Variants in LRRC7 observed in about 807,000 individuals in gnomAD.
The protein encoded by LRRC7 is leucine-rich repeat-containing protein 7.
LRRC7 carries 23 observed loss-of-function variants against 175.7 expected under a neutral mutation model. The ratio of observed to expected loss-of-function variants is 0.13; its 90% confidence interval spans 0.09 to 0.19. The LOEUF (loss-of-function observed/expected upper bound fraction) is 0.19, where lower values mean the gene tolerates loss of function less well. Ranked by LOEUF, LRRC7 falls within the 10% of genes least tolerant of loss-of-function variation. The pLI, the probability that LRRC7 is intolerant of heterozygous loss-of-function variation, is 1.00. For synonymous variants in LRRC7, 685 were observed against 680.9 expected (o/e 1.01, Z -0.09); for missense variants, 1,354 against 1,904.7 (o/e 0.71, Z 5.38).
Position 70,142,232 on chromosome 1 carries a change from G to A in LRRC7, c.*20345G>A, listed in dbSNP as rs1430868260. The A allele has an allele frequency of 6.6e-6, 1 of 152,086 alleles. No homozygotes were observed. Among genetic ancestry groups the A allele is most frequent in the Non-Finnish European group, 1.5e-5 (1 of 67,960 alleles). The allele number at this position is 152,086 out of a possible 1,614,324, so 9.4% of individuals were successfully genotyped here. On this transcript the variant is annotated 3_prime_UTR_variant, in exon 27 of 27. Coordinates refer to ENST00000651989, the MANE Select transcript of LRRC7 (RefSeq NM_001370785.2). Reference sequence around the variant, plus strand: ...CAGAGGACTCTTATTTGGCTTGAATGTGGAAAAGGCATCTGGTTCAGGTCA... The same window carrying A: ...CAGAGGACTCTTATTTGGCTTGAATATGGAAAAGGCATCTGGTTCAGGTCA...
chr1:69,993,312 A>G (rs1391419277), intron 10 of LRRC7, among the ~76,000 whole-genome samples: 1 of 152,140 alleles, frequency 6.6e-6, no homozygotes, highest in Non-Finnish European at 1.5e-5. Context: ...TAGTGATAAC[A>G]TTTCTCTCTA....
chr1:69,836,521 A>G (rs1372609680), intron 6 of LRRC7, among the ~76,000 whole-genome samples: 1 of 151,968 alleles, frequency 6.6e-6, no homozygotes, highest in African/African-American at 2.4e-5. Context: ...GCAAGTGAAA[A>G]ACATAATACC....
intron 1 of LRRC7, among the ~76,000 whole-genome samples, chr1:69,619,999 G>A (rs1650299056): frequency 6.6e-6 from 1 of 152,120 alleles, no homozygotes. Context: ...GAGACTTCAA[G>A]AAACAATGAA....
intron 7 of LRRC7, among the ~76,000 whole-genome samples, chr1:69,877,771 A>G (rs1686173140): frequency 6.6e-6 from 1 of 152,206 alleles, no homozygotes. Flanking sequence ...TCATGTAGAC[A>G]TCTTTTATGT....
rs1671394053 is a variant in LRRC7, at chr1:69,764,582, G to A, written c.303+4189G>A. 2.0e-5 allele frequency among the ~76,000 whole-genome samples: 3 copies of A among 151,924 alleles called. 1 individual carries two copies. The South Asian group carries it at 6.2e-4, about 31-fold the overall frequency. On this transcript the variant is annotated intron_variant, in intron 3 of 26. Coordinates refer to ENST00000651989, the MANE Select transcript of LRRC7 (RefSeq NM_001370785.2). ...TCAAGAACCAAAGCTTTTGACCCAG[G>A]CAAATCTGGAATTATATCCTAGCAT... is the stretch of plus-strand genomic sequence containing the variant.
chr1:69,934,494 C>CGGG (rs573858643), intron 8 of LRRC7, among the ~76,000 whole-genome samples: 59 of 46,270 alleles, frequency 1.3e-3, no homozygotes, highest in Middle Eastern at 0.016. Context: ...GATATTTTGG[C>CGGG]GGGGGGGGGG....
At chr1:69,883,206 T>A (rs894487358) in intron 7 of LRRC7, among the ~76,000 whole-genome samples, 3 of 151,194 alleles carry the variant, frequency 2.0e-5, no homozygotes, top group Admixed American at 6.6e-5. Flanking sequence ...TCCACAATGG[T>A]TGAACTAGTT....
At position 70,097,876 on chromosome 1, in the gene LRRC7, G is replaced by T. The variant is rs536615826; in HGVS notation, c.4545+8057G>T. ...CAGTCTATCATTGTTGGACATTTGGGTTGGTTCCAAGTCTTTGCTATTGTG... is the reference window on the plus strand; with the variant it reads ...CAGTCTATCATTGTTGGACATTTGGTTTGGTTCCAAGTCTTTGCTATTGTG... On this transcript the variant is annotated intron_variant, in intron 25 of 26. Coordinates refer to ENST00000651989, the MANE Select transcript of LRRC7 (RefSeq NM_001370785.2). Among the ~76,000 whole-genome samples, 1,054 of 147,200 alleles carry T rather than the reference G, an allele frequency of 7.2e-3. 17 individuals are homozygous for T. Among genetic ancestry groups the T allele is most frequent in the African/African-American group, 0.026 (1,014 of 39,550 alleles).
intron 2 of LRRC7, among the ~76,000 whole-genome samples, chr1:69,693,518 G>C (rs1166682279): frequency 6.6e-6 from 1 of 152,188 alleles, no homozygotes; most frequent in African/African-American, 2.4e-5. Context: ...CTATGTGCTA[G>C]CAGAAATACT....
chr1:69,796,768 T>C (rs1675830804), intron 4 of LRRC7, among the ~76,000 whole-genome samples: 1 of 151,620 alleles, frequency 6.6e-6, no homozygotes, highest in East Asian at 1.9e-4. Context: ...CACTCCAGCC[T>C]GGGCAACAAG....
intron 1 of LRRC7, among the ~76,000 whole-genome samples, chr1:69,629,760 G>A (rs1336345945): frequency 6.6e-6 from 1 of 151,882 alleles, no homozygotes; most frequent in Non-Finnish European, 1.5e-5. Context: ...TAACTGTAGA[G>A]GAAAGTAAAT....
intron 6 of LRRC7, among the ~76,000 whole-genome samples, chr1:69,837,101 G>A (rs942186841): frequency 6.6e-6 from 1 of 151,832 alleles, no homozygotes; most frequent in Non-Finnish European, 1.5e-5. Context: ...AACTTAACAA[G>A]TAACTAAGTG....
At chr1:69,960,821 G>GA in intron 8 of LRRC7, among the ~76,000 whole-genome samples, 1 of 151,822 alleles carries the variant, frequency 6.6e-6, no homozygotes, top group African/African-American at 2.4e-5. Context: ...AGGTGTTCAA[G>GA]GAACATACCT....
intron 25 of LRRC7, among the ~76,000 whole-genome samples, chr1:70,092,382 A>C (rs993188958): frequency 5.3e-5 from 8 of 152,134 alleles, no homozygotes; most frequent in African/African-American, 1.9e-4. Flanking sequence ...TACTCTCTTC[A>C]AATAAATAAG....
chr1:69,937,185 T>C (rs1271378245), intron 8 of LRRC7, among the ~76,000 whole-genome samples: 14 of 152,196 alleles, frequency 9.2e-5, no homozygotes, highest in Admixed American at 9.2e-4. Context: ...TTTCTTTCTC[T>C]TGCTTTATGT....
intron 1 of LRRC7, among the ~76,000 whole-genome samples, chr1:69,601,927 C>A (rs866327834): frequency 2.0e-5 from 3 of 152,026 alleles, no homozygotes; most frequent in Non-Finnish European, 4.4e-5. Context: ...CTGGTTCACA[C>A]GTGTATTTTC....
intron 8 of LRRC7, among the ~76,000 whole-genome samples, chr1:69,968,334 G>C (rs114677444): frequency 0.064 from 9,770 of 152,158 alleles, 459 homozygotes; most frequent in Non-Finnish European, 0.095. Context: ...TAAGAATAAT[G>C]TATTCCTGAG....
At chr1:70,060,686 A>G (rs1661512949) in intron 23 of LRRC7, among the ~76,000 whole-genome samples, 1 of 152,230 alleles carries the variant, frequency 6.6e-6, no homozygotes, top group South Asian at 2.1e-4. Flanking sequence ...ATGAAAATCA[A>G]CCAGGTAAAT....
At chr1:70,021,341 A>G (rs1273121263) in intron 16 of LRRC7, 5 of 398,446 alleles carry the variant, frequency 1.3e-5, no homozygotes, top group East Asian at 4.9e-5. Flanking sequence ...TTGAAATGCC[A>G]CTTCATCCAA....
Sources: gnomAD v4.1 joint callset for allele counts (sites outside exome capture counted in the v4.1 genomes callset) on GRCh38, gnomAD v4.1.1 for gene constraint, MANE v1.5 for transcripts, NCBI Gene and HGNC (gene_info 2026-07-23, HGNC 2026-07-21) for gene names.